Variants in PPP1R42 observed in about 807,000 individuals in gnomAD.
The protein encoded by PPP1R42 is leucine rich repeat containing 67.
A neutral mutation model predicts 31.0 loss-of-function variants in PPP1R42; 34 were observed. The ratio of observed to expected loss-of-function variants is 1.10; its 90% CI spans 0.83 to 1.46. The LOEUF (loss-of-function observed/expected upper bound fraction) is 1.46. PPP1R42 is among the 40% of genes most tolerant of loss of function. PPP1R42 has a pLI of 0.00. For synonymous variants in PPP1R42, 103 were observed against 109.8 expected (o/e 0.94, Z 0.39); for missense variants, 268 against 303.0 (o/e 0.88, Z 0.86).
intron 5 of PPP1R42, among the ~76,000 whole-genome samples, chr8:67,005,523 G>A (rs1038194405): frequency 1.3e-5 from 2 of 152,010 alleles, no homozygotes; most frequent in African/African-American, 4.8e-5. Context: ...TACTTGACAT[G>A]TCCATTTCAA....
rs551476673 is a variant in PPP1R42 at position 66,975,374 on chromosome 8, G to A, written c.802+6675C>T. Among the ~76,000 whole-genome samples the A allele has an allele frequency of 1.2e-4, 19 of 152,238 alleles. No individual in the cohort carries two copies. The Middle Eastern group carries it at 0.01, about 82-fold the overall frequency. ...TTTAAACATTGTTTTTGGGCGGGGC[G>A]CAGTGGCTCATGCCTGTAATCCCAG... is the stretch of plus-strand genomic sequence containing the variant. On this transcript the variant is annotated intron_variant, in intron 7 of 7. Coordinates refer to ENST00000685739, the MANE Select transcript of PPP1R42 (RefSeq NM_001364910.1).
At chr8:67,009,641 T>G (rs1338287195) in intron 5 of PPP1R42, among the ~76,000 whole-genome samples, 1 of 152,240 alleles carries the variant, frequency 6.6e-6, no homozygotes, top group African/African-American at 2.4e-5. Flanking sequence ...TTTTTCACAT[T>G]GTAAGTTGAA....
chr8:66,975,924 A>G (rs1563414133), intron 7 of PPP1R42, among the ~76,000 whole-genome samples: 1 of 152,116 alleles, frequency 6.6e-6, no homozygotes, highest in Non-Finnish European at 1.5e-5. Flanking sequence ...ATTGTTAACT[A>G]TGGTCATCCT....
At chr8:67,019,024 C>T (rs1455733830) in intron 1 of PPP1R42, among the ~76,000 whole-genome samples, 3 of 146,110 alleles carry the variant, frequency 2.1e-5, no homozygotes, top group African/African-American at 7.6e-5. Flanking sequence ...TTAATGGAGA[C>T]GGGGTTTCAC....
intron 7 of PPP1R42, among the ~76,000 whole-genome samples, chr8:66,971,513 T>C (rs1814538490): frequency 1.3e-5 from 2 of 152,348 alleles, no homozygotes; most frequent in South Asian, 4.1e-4. Flanking sequence ...TAACATTCCA[T>C]ATCATTTACC....
At chr8:66,996,545 TAA>T (rs1040806710) in intron 5 of PPP1R42, among the ~76,000 whole-genome samples, 3 of 152,252 alleles carry the variant, frequency 2.0e-5, no homozygotes, top group Non-Finnish European at 4.4e-5. Context: ...GCTGCTGTCC[TAA>T]GACTTACCTT....
At chr8:67,018,581 T>C (rs1816091797) in intron 1 of PPP1R42, among the ~76,000 whole-genome samples, 1 of 151,624 alleles carries the variant, frequency 6.6e-6, no homozygotes, top group Non-Finnish European at 1.5e-5. Flanking sequence ...GGCACGGTCT[T>C]GGCTGACTGC....
intron 5 of PPP1R42, among the ~76,000 whole-genome samples, chr8:67,002,006 C>T (rs1815504752): frequency 6.6e-6 from 1 of 152,130 alleles, no homozygotes; most frequent in Admixed American, 6.6e-5. Context: ...ATTTTGCCTT[C>T]ATTTTTTTGA....
chr8:67,001,279 G>T (rs1585664520), intron 5 of PPP1R42, among the ~76,000 whole-genome samples: 1 of 144,896 alleles, frequency 6.9e-6, no homozygotes. Context: ...TCGAACTCCT[G>T]GGCTCAAGTG....
rs763651966 is a variant in PPP1R42, at chr8:67,017,696, G to A, written c.52C>T (p.Arg18Ter). 10 of 1,597,714 alleles carry A rather than the reference G, an allele frequency of 6.3e-6. No individual in the cohort carries two copies. Among genetic ancestry groups the A allele is most frequent in the African/African-American group, 4.0e-5 (3 of 74,356 alleles). Residue 18 changes from arginine to a stop codon, truncating the protein, a stop_gained, in exon 2 of 8, where the codon CGA (arginine) becomes TGA (stop). Transcript: ENST00000685739. LOFTEE classifies it high-confidence loss of function. ...LIARNSNLKP[R>*]KEETISQCLK... Reference sequence around the variant, plus strand: ...CACTGTGAAATGGTTTCTTCTTTTCGGGGTTTAAGATTGCTGTTTCTGGCA... The same window carrying A: ...CACTGTGAAATGGTTTCTTCTTTTCAGGGTTTAAGATTGCTGTTTCTGGCA...
rs1307358771 is a variant in PPP1R42 at position 67,014,462 on chromosome 8, A to G, written c.260T>C (p.Ile87Thr). The G allele has an allele frequency of 3.2e-6, 5 of 1,578,890 alleles. No homozygotes were observed. The highest frequency in any genetic ancestry group is 3.7e-5 in the Admixed American group (2 of 53,846). The change falls in exon 3 of 8, where the codon ATA becomes ACA. Residue 87 changes from isoleucine to threonine, a missense_variant. Physicochemically the swap from Ile to Thr is moderately conservative, Grantham distance 89 (BLOSUM62 -1). Coordinates refer to ENST00000685739, the MANE Select transcript of PPP1R42 (RefSeq NM_001364910.1). ...TTTCTTTAATGACCTGAGGTTCTCT[A>G]TACATGAAATACAATTGTTTTGTAG... ...LYLQNNCISC[I>T]ENLRSLKKLE...
rs747479151 is a variant in PPP1R42 at position 66,971,086 on chromosome 8, T to C, written c.803-6752A>G. ...TTCAGAGAAAAAGGCTAATTTTGGC[T>C]TACCCACCTGTGGGTAATAAACAGG... On this transcript the variant is annotated intron_variant, in intron 7 of 7. Coordinates refer to ENST00000685739, the MANE Select transcript of PPP1R42 (RefSeq NM_001364910.1). 2.6e-6 allele frequency: 4 copies of C among 1,534,448 alleles called. No homozygotes were observed. The South Asian group carries it at 4.8e-5, about 18-fold the overall frequency.
In PPP1R42 at chr8:67,014,420, A is replaced by C. The variant is rs763335006; in HGVS notation, c.296+6T>G. ...AGATACATTATTAAAAAATAAAAGCACTTACAGTTTTTCCAGTTTCTTTAA... is the reference window on the plus strand; with the variant it reads ...AGATACATTATTAAAAAATAAAAGCCCTTACAGTTTTTCCAGTTTCTTTAA... On this transcript the variant is annotated splice_donor_region_variant and intron_variant, in intron 3 of 7. Coordinates refer to ENST00000685739, the MANE Select transcript of PPP1R42 (RefSeq NM_001364910.1). 2.1e-6 allele frequency: 3 copies of C among 1,458,860 alleles called. No homozygotes were observed. In the South Asian group the frequency reaches 4.3e-5, roughly 21 times the overall value. The allele number at this position is 1,458,860 out of a possible 1,614,324, so 90.4% of individuals were successfully genotyped here.
At chr8:67,023,286 T>C (rs968168595) in intron 1 of PPP1R42, among the ~76,000 whole-genome samples, 1 of 152,060 alleles carries the variant, frequency 6.6e-6, no homozygotes. Context: ...AATTTTTGTA[T>C]TTTTAGTAGA....
chr8:66,985,910 G>C, intron 6 of PPP1R42: 1 of 894,954 alleles, frequency 1.1e-6, no homozygotes, highest in Non-Finnish European at 1.8e-6. Context: ...CTTTACTCCT[G>C]ATGATTCCTT....
chr8:66,973,472 T>A (rs1814591269), intron 7 of PPP1R42, among the ~76,000 whole-genome samples: 1 of 151,868 alleles, frequency 6.6e-6, no homozygotes, highest in Admixed American at 6.6e-5. Context: ...CCCAGCTAAT[T>A]GTTTTGTATT....
At chr8:66,996,040 C>T (rs947101619) in intron 5 of PPP1R42, among the ~76,000 whole-genome samples, 91 of 152,152 alleles carry the variant, frequency 6.0e-4, no homozygotes, top group Non-Finnish European at 2.5e-4. Context: ...AATTAATTTT[C>T]ACTGAGTGTC....
chr8:66,993,159 C>T (rs1815240587), intron 5 of PPP1R42, among the ~76,000 whole-genome samples: 1 of 152,206 alleles, frequency 6.6e-6, no homozygotes, highest in African/African-American at 2.4e-5. Flanking sequence ...ATCCAACTCA[C>T]AACCAAGTCT....
At chr8:66,990,939 C>G (rs1233310398) in intron 5 of PPP1R42, among the ~76,000 whole-genome samples, 2 of 152,138 alleles carry the variant, frequency 1.3e-5, no homozygotes, top group Admixed American at 6.6e-5. Flanking sequence ...GAAAACATGA[C>G]AGGCCGTAGA....
Sources: gnomAD v4.1 joint callset for allele counts (sites outside exome capture counted in the v4.1 genomes callset) on GRCh38, gnomAD v4.1.1 for gene constraint, MANE v1.5 for transcripts, NCBI Gene and HGNC (gene_info 2026-07-23, HGNC 2026-07-21) for gene names.